PLXDC2: variants seen among roughly 807,000 people sequenced by gnomAD.
PLXDC2 encodes plexin domain containing 2.
In PLXDC2, 40 loss-of-function variants were observed where a neutral mutation model predicts 68.9. The observed-to-expected ratio is 0.58, with a 90% CI of 0.45 to 0.76. PLXDC2 has a LOEUF of 0.76. Among genes scored for constraint, PLXDC2 ranks in the 30% least tolerant of loss-of-function variants. PLXDC2 has a pLI of 0.00. For missense variants in PLXDC2, 644 were observed against 661.9 expected (o/e 0.97, Z 0.30); for synonymous variants, 243 against 234.2 (o/e 1.04, Z -0.34).
chr10:20,089,484 G>A (rs553332623), intron 4 of PLXDC2, among the ~76,000 whole-genome samples: 1 of 152,226 alleles, frequency 6.6e-6, no homozygotes, highest in East Asian at 1.9e-4. Flanking sequence ...GTTACTAAGA[G>A]AGAAGGCCAG....
At chr10:19,941,480 C>T (rs1244424287) in intron 1 of PLXDC2, among the ~76,000 whole-genome samples, 1 of 152,190 alleles carries the variant, frequency 6.6e-6, no homozygotes, top group Non-Finnish European at 1.5e-5. Context: ...ATTTTGTTGG[C>T]ACATTGCTGG....
At chr10:19,888,953 A>G (rs902047098) in intron 1 of PLXDC2, among the ~76,000 whole-genome samples, 11 of 152,284 alleles carry the variant, frequency 7.2e-5, no homozygotes, top group South Asian at 2.1e-4. Flanking sequence ...TCTTATGAAC[A>G]TTAATTAAAT....
At position 20,147,867 on chromosome 10, in the gene PLXDC2, C is replaced by G; in HGVS notation, c.748C>G (p.Leu250Val). Residue 250 changes from leucine to valine, a missense_variant, in exon 6 of 14, where the codon CTC (leucine) becomes GTC (valine). Coordinates refer to ENST00000377252, the MANE Select transcript of PLXDC2 (RefSeq NM_032812.9). Reference protein sequence around the residue: ...LGSFTFQATLLMDGRIIFGYK... With the variant: ...LGSFTFQATLVMDGRIIFGYK... ...AAGCTTCACATTCCAGGCAACCCTG[C>G]TCATGGATGGACGAATCATCTTTGG... 6.2e-7 allele frequency: 1 copy of G among 1,611,352 alleles called. No homozygotes were observed. Among genetic ancestry groups the G allele is most frequent in the Non-Finnish European group, 8.5e-7 (1 of 1,177,500 alleles).
intron 1 of PLXDC2, among the ~76,000 whole-genome samples, chr10:19,861,412 T>A (rs1243044834): frequency 1.3e-5 from 2 of 152,132 alleles, no homozygotes; most frequent in Admixed American, 1.3e-4. Context: ...TCTTCTTGCC[T>A]GATTGGTCTT....
At chr10:19,882,692 G>A (rs1837750778) in intron 1 of PLXDC2, among the ~76,000 whole-genome samples, 1 of 152,152 alleles carries the variant, frequency 6.6e-6, no homozygotes, top group Non-Finnish European at 1.5e-5. Context: ...AACTCTGAAC[G>A]AATAGATGAG....
intron 13 of PLXDC2, among the ~76,000 whole-genome samples, chr10:20,260,179 A>T (rs1835792257): frequency 6.6e-6 from 1 of 152,200 alleles, no homozygotes; most frequent in South Asian, 2.1e-4. Context: ...CACCTTCTAT[A>T]GATATCATTT....
chr10:19,910,519 T>C (rs907165662), intron 1 of PLXDC2, among the ~76,000 whole-genome samples: 3 of 150,980 alleles, frequency 2.0e-5, no homozygotes, highest in African/African-American at 4.9e-5. Flanking sequence ...GTCCTTCCAC[T>C]AGAGCTCTGA....
intron 1 of PLXDC2, among the ~76,000 whole-genome samples, chr10:19,889,033 GA>G (rs200412505): frequency 0.015 from 2,282 of 151,044 alleles, 34 homozygotes; most frequent in Non-Finnish European, 0.023. Flanking sequence ...GAGGGTAGTA[GA>G]AAAAAAATAC....
At chr10:19,908,431 TAAA>T (rs1019696665) in intron 1 of PLXDC2, among the ~76,000 whole-genome samples, 40 of 151,716 alleles carry the variant, frequency 2.6e-4, no homozygotes, top group African/African-American at 9.4e-4. Context: ...TTATTAAACA[TAAA>T]AGATAATGTA....
chr10:20,040,321 C>T (rs955485724), intron 2 of PLXDC2, among the ~76,000 whole-genome samples: 12 of 152,166 alleles, frequency 7.9e-5, no homozygotes, highest in Admixed American at 6.6e-4. Context: ...AGGAGGATGC[C>T]CAGTGAGATT....
chr10:20,033,740 T>C (rs112444652), intron 2 of PLXDC2, among the ~76,000 whole-genome samples: 2,686 of 152,258 alleles, frequency 0.018, 76 homozygotes, highest in African/African-American at 0.061. Flanking sequence ...CTCGAGTTCC[T>C]TCCCATGACA....
chr10:20,129,166 A>T (rs181602544), intron 4 of PLXDC2, among the ~76,000 whole-genome samples: 29 of 152,256 alleles, frequency 1.9e-4, no homozygotes, highest in African/African-American at 7.0e-4. Flanking sequence ...TGTTGCTCAT[A>T]ATAGTCATCC....
chr10:20,283,861 C>A lies in PLXDC2; in HGVS notation c.*4042C>A, dbSNP rs1836112682. ...AAACTATTTGGAACTTAATGTAAAC[C>A]TTTGCACATGCAGACTATATAAAGG... On this transcript the variant is annotated 3_prime_UTR_variant, in exon 14 of 14. Coordinates refer to ENST00000377252, the MANE Select transcript of PLXDC2 (RefSeq NM_032812.9). The A allele has an allele frequency of 6.6e-6, 1 of 152,116 alleles. No individual in the cohort carries two copies. Among genetic ancestry groups the A allele is most frequent in the Admixed American group, 6.6e-5 (1 of 15,264 alleles). 9.4% of individuals were successfully genotyped at this position (152,116 alleles called of 1,614,324 possible).
chr10:20,133,234 G>C (rs1443925259), intron 4 of PLXDC2, among the ~76,000 whole-genome samples: 1 of 152,042 alleles, frequency 6.6e-6, no homozygotes, highest in Non-Finnish European at 1.5e-5. Flanking sequence ...TTAAAAGTGA[G>C]TTGTGGAGCA....
intron 3 of PLXDC2, among the ~76,000 whole-genome samples, chr10:20,060,107 A>G (rs1836072959): frequency 6.6e-6 from 1 of 152,278 alleles, no homozygotes; most frequent in South Asian, 2.1e-4. Context: ...ATCACAGCTC[A>G]TTGCAGCCTG....
At chr10:20,179,372 C>T (rs1003847712) in intron 9 of PLXDC2, among the ~76,000 whole-genome samples, 3 of 151,994 alleles carry the variant, frequency 2.0e-5, no homozygotes, top group Middle Eastern at 3.2e-3. Flanking sequence ...TAAGAACATA[C>T]CTGGGACTGC....
intron 1 of PLXDC2, among the ~76,000 whole-genome samples, chr10:19,902,953 T>C (rs1838183209): frequency 6.6e-6 from 1 of 152,220 alleles, no homozygotes; most frequent in Non-Finnish European, 1.5e-5. Flanking sequence ...CATTTTTAAT[T>C]CTGTTTATGT....
At chr10:20,054,856 T>TA (rs995725054) in intron 3 of PLXDC2, among the ~76,000 whole-genome samples, 5 of 151,566 alleles carry the variant, frequency 3.3e-5, no homozygotes, top group Admixed American at 6.6e-5. Flanking sequence ...AGTATAATAA[T>TA]AAAAAAAACC....
intron 1 of PLXDC2, among the ~76,000 whole-genome samples, chr10:19,842,685 G>C (rs6482066): frequency 0.56 from 84,962 of 152,040 alleles, 24,041 homozygotes; most frequent in East Asian, 0.64. Context: ...CTTGCTCGGA[G>C]AAGGTGAATT....
Sources: gnomAD v4.1 joint callset for allele counts (sites outside exome capture counted in the v4.1 genomes callset) on GRCh38, gnomAD v4.1.1 for gene constraint, MANE v1.5 for transcripts, NCBI Gene and HGNC (gene_info 2026-07-23, HGNC 2026-07-21) for gene names.